ROCK2: variants seen among roughly 807,000 people sequenced by gnomAD.
The protein encoded by ROCK2 is Rho associated coiled-coil containing protein kinase 2, also known as rho-associated protein kinase 2.
ROCK2 carries 61 observed loss-of-function variants against 195.1 expected under a neutral mutation model. That is an observed-to-expected ratio of 0.31 (90% confidence interval 0.25 to 0.39). The LOEUF (loss-of-function observed/expected upper bound fraction) is 0.39, where lower values mean the gene tolerates loss of function less well. Ranked by LOEUF, ROCK2 falls within the 10% of genes least tolerant of loss-of-function variation. ROCK2 has a pLI of 1.00. For synonymous variants in ROCK2, 504 were observed against 545.5 expected, an observed-to-expected ratio of 0.92 and a Z score of 1.06; for missense variants, 1,109 against 1,637.4, an observed-to-expected ratio of 0.68 and a Z score of 5.57.
At chr2:11,286,422 A>C in intron 3 of ROCK2, 117 bp downstream of exon 3, 1 of 678,370 alleles carries the variant, frequency 1.5e-6, no homozygotes, top group South Asian at 1.9e-5. Context: ...GACCAAGATC[A>C]CAAAGCCACC....
chr2:11,267,705 T>C (rs1386280104), intron 3 of ROCK2, among the ~76,000 whole-genome samples: 1 of 148,308 alleles, frequency 6.7e-6, no homozygotes, highest in African/African-American at 2.5e-5. Flanking sequence ...ATACGCCTTT[T>C]TTTTTTTTTT....
At chr2:11,307,820 T>A (rs561874534) in intron 1 of ROCK2, among the ~76,000 whole-genome samples, 59 of 152,210 alleles carry the variant, frequency 3.9e-4, no homozygotes, top group African/African-American at 1.4e-3. Flanking sequence ...TACACAGACT[T>A]TTTTCCTTGT....
intron 3 of ROCK2, among the ~76,000 whole-genome samples, chr2:11,280,658 C>CCA (rs1219445653): frequency 5.9e-5 from 9 of 151,780 alleles, no homozygotes; most frequent in South Asian, 4.2e-4. Context: ...AACTCTATGC[C>CCA]CACAAATTTA....
intron 3 of ROCK2, among the ~76,000 whole-genome samples, chr2:11,253,711 A>G (rs1316881968): frequency 6.6e-6 from 1 of 152,254 alleles, no homozygotes; most frequent in Admixed American, 6.5e-5. Flanking sequence ...CTAAATATTT[A>G]ATGACTCAAT....
intron 1 of ROCK2, among the ~76,000 whole-genome samples, chr2:11,306,429 T>C (rs532246524): frequency 6.6e-6 from 1 of 152,332 alleles, no homozygotes; most frequent in African/African-American, 2.4e-5. Context: ...TCCTTACCAC[T>C]TATCACTATC....
chr2:11,305,249 G>A (rs1426371858), intron 1 of ROCK2, among the ~76,000 whole-genome samples: 2 of 152,136 alleles, frequency 1.3e-5, no homozygotes, highest in Middle Eastern at 3.2e-3. Flanking sequence ...GGTGGCGCAC[G>A]CCTGTAGTCC....
intron 5 of ROCK2, among the ~76,000 whole-genome samples, chr2:11,231,154 A>G (rs1487538357): frequency 2.0e-5 from 3 of 152,112 alleles, no homozygotes; most frequent in Non-Finnish European, 4.4e-5. Context: ...ATATGCTAGA[A>G]TATTAATGGA....
At position 11,192,871 on chromosome 2, in the gene ROCK2, A is replaced by G. The variant is rs1663482151; in HGVS notation, c.3688-159T>C. ...CTTAAGCTCTTGATTACGCAAACTT[A>G]ATCAAGAGCTTATATAAGAAAAGTC... On this transcript the variant is annotated intron_variant, in intron 30 of 32. Coordinates refer to ENST00000315872, the MANE Select transcript of ROCK2 (RefSeq NM_004850.5). This position sits in a 1 kb window ranked among gnomAD's most constrained non-coding sequence, Gnocchi z 5.0. Among the ~76,000 whole-genome samples the G allele has an allele frequency of 6.6e-6, 1 of 152,234 alleles. No individual in the cohort carries two copies. The highest frequency in any genetic ancestry group is 2.4e-5 in the African/African-American group (1 of 41,454).
intron 3 of ROCK2, among the ~76,000 whole-genome samples, chr2:11,274,526 A>C (rs550762148): frequency 6.6e-6 from 1 of 152,342 alleles, no homozygotes; most frequent in East Asian, 1.9e-4. Context: ...AAACAGACAA[A>C]TTCCTAGAAA....
At chr2:11,253,452 A>G (rs1572312872) in intron 3 of ROCK2, among the ~76,000 whole-genome samples, 1 of 152,180 alleles carries the variant, frequency 6.6e-6, no homozygotes, top group African/African-American at 2.4e-5. Flanking sequence ...AAACTCCTCA[A>G]AGAGGTCTTC....
chr2:11,196,657 C>A (rs1663647714), intron 27 of ROCK2, among the ~76,000 whole-genome samples: 1 of 152,072 alleles, frequency 6.6e-6, no homozygotes, highest in Admixed American at 6.5e-5. Context: ...GGGAAAAACT[C>A]CAAAGATGAG....
intron 1 of ROCK2, among the ~76,000 whole-genome samples, chr2:11,295,977 AGAGAGAGAGAGAGGAGAGAGAGAGAGAG>A (rs1667504624): frequency 2.6e-5 from 2 of 75,854 alleles, no homozygotes; most frequent in African/African-American, 8.2e-5. Flanking sequence ...AGAGAGAGAG[AGAGAGAGAGAGAGGAGAGAGAGAGAGAG>A]GAGAGAGAGA....
chr2:11,194,142 G>T, intron 29 of ROCK2, 114 bp downstream of exon 29: 1 of 483,090 alleles, frequency 2.1e-6, no homozygotes, highest in East Asian at 3.4e-5. Context: ...GCAAATCACA[G>T]GAAAATGTAA....
In ROCK2 at chr2:11,344,236, A is replaced by G; in HGVS notation, c.-100T>C. 7.7e-7 allele frequency: 1 copy of G among 1,300,034 alleles called. No homozygotes were observed. The highest frequency in any genetic ancestry group is 9.7e-7 in the Non-Finnish European group (1 of 1,027,740). The allele number at this position is 1,300,034 out of a possible 1,614,324, so 80.5% of individuals were successfully genotyped here. ...AACCACCAGCTCCGGCCGGGACTCC[A>G]CCCGGGCCCACCGCCTGCCTCTAGC... On this transcript the variant is annotated 5_prime_UTR_variant, in exon 1 of 33. Transcript: ENST00000315872. The surrounding 1 kb of genome is among the most constrained non-coding windows in gnomAD (Gnocchi z 5.4).
intron 1 of ROCK2, among the ~76,000 whole-genome samples, chr2:11,334,138 A>G (rs1668850125): frequency 6.6e-6 from 1 of 152,170 alleles, no homozygotes; most frequent in Non-Finnish European, 1.5e-5. Context: ...ACAGGAACAC[A>G]TATCAAAATG....
chr2:11,228,207 C>T (rs1664879904), intron 5 of ROCK2, among the ~76,000 whole-genome samples: 2 of 152,114 alleles, frequency 1.3e-5, no homozygotes, highest in African/African-American at 4.8e-5. Context: ...ATTAAGTGCC[C>T]TTTATTTCCT....
chr2:11,309,875 G>A (rs1317382909), intron 1 of ROCK2, among the ~76,000 whole-genome samples: 2 of 152,100 alleles, frequency 1.3e-5, no homozygotes, highest in African/African-American at 2.4e-5. Flanking sequence ...CAGCTACTCA[G>A]GAGGCTGAGG....
chr2:11,323,846 A>T lies in ROCK2; in HGVS notation c.141+20150T>A, dbSNP rs116547604. Among the ~76,000 whole-genome samples the T allele has an allele frequency of 8.9e-3, 1,358 of 152,172 alleles. 16 individuals carry two copies. Among genetic ancestry groups the T allele is most frequent in the African/African-American group, 0.031 (1,283 of 41,490 alleles). On this transcript the variant is annotated intron_variant, in intron 1 of 32. Transcript: ENST00000315872. ...AACAAACCTACAACACTGACACATC[A>T]TTATCCCCCAAAGTCTATAGTTACC...
intron 1 of ROCK2, among the ~76,000 whole-genome samples, chr2:11,293,514 TA>T (rs1333872897): frequency 1.3e-5 from 2 of 152,212 alleles, no homozygotes; most frequent in Non-Finnish European, 2.9e-5. Flanking sequence ...GGAATGTTTT[TA>T]TGACTTTTCC....
Sources: allele counts gnomAD v4.1 joint callset (sites outside exome capture counted in the v4.1 genomes callset), GRCh38; gene constraint gnomAD v4.1.1; non-coding constraint Gnocchi (gnomAD v3.1); transcripts MANE v1.5; gene names NCBI Gene and HGNC (gene_info 2026-07-23, HGNC 2026-07-21).